KDM4C: variants seen among roughly 807,000 people sequenced by gnomAD.
KDM4C encodes lysine-specific demethylase 4C.
In KDM4C, 81 loss-of-function variants were observed where a neutral mutation model predicts 129.3. The observed-to-expected ratio is 0.63, with a 90% CI of 0.52 to 0.75. KDM4C has a LOEUF of 0.75. Among genes scored for constraint, KDM4C ranks in the 30% least tolerant of loss-of-function variants. The pLI is 0.00. For missense variants in KDM4C, 1,457 were observed against 1,304.0 expected, an observed-to-expected ratio of 1.12 and a Z score of -1.81; for synonymous variants, 573 against 456.1, an observed-to-expected ratio of 1.26 and a Z score of -3.26.
In KDM4C at chr9:6,818,260, C is replaced by T. The variant is rs141133714; in HGVS notation, c.435+3515C>T. Among the ~76,000 whole-genome samples, 556 of 152,240 alleles carry T rather than the reference C, an allele frequency of 3.7e-3. 5 individuals are homozygous for T. The highest frequency in any genetic ancestry group is 0.013 in the African/African-American group (520 of 41,530). ...CATTTCAGTTTCTTTTAGCACAAGC[C>T]ACATCTAGACTACCAATTTCAAATC... On this transcript the variant is annotated intron_variant, in intron 4 of 21. Transcript: ENST00000381309.
intron 12 of KDM4C, among the ~76,000 whole-genome samples, chr9:6,998,308 G>C (rs992269944): frequency 6.6e-6 from 1 of 152,198 alleles, no homozygotes; most frequent in Non-Finnish European, 1.5e-5. Context: ...ACAGACAGAA[G>C]AGGTGGAATT....
At chr9:7,169,935 C>T (rs1265057853) in intron 21 of KDM4C, 45 bp downstream of exon 21, 1 of 1,611,834 alleles carries the variant, frequency 6.2e-7, no homozygotes. Context: ...AAGTGAATTC[C>T]TTGTCCTCAC....
chr9:7,117,626 T>TACACACACACACACACAC (rs71315578), intron 18 of KDM4C, among the ~76,000 whole-genome samples: 9 of 146,916 alleles, frequency 6.1e-5, no homozygotes, highest in Non-Finnish European at 1.0e-4. Context: ...TGTTAATTTC[T>TACACACACACACACACAC]ACACACACAC....
At chr9:7,051,309 A>T (rs1002623671) in intron 17 of KDM4C, among the ~76,000 whole-genome samples, 4 of 152,170 alleles carry the variant, frequency 2.6e-5, no homozygotes, top group African/African-American at 9.6e-5. Context: ...TTTTTCACCA[A>T]GAGTCCTCAG....
chr9:6,824,638 C>CAAA (rs144032826), intron 4 of KDM4C, among the ~76,000 whole-genome samples: 34 of 127,100 alleles, frequency 2.7e-4, no homozygotes, highest in African/African-American at 9.2e-4. Context: ...GACTCCGTCT[C>CAAA]AAAAAAAAAA....
intron 5 of KDM4C, among the ~76,000 whole-genome samples, chr9:6,855,231 C>T (rs917170678): frequency 1.3e-5 from 2 of 152,128 alleles, no homozygotes; most frequent in Admixed American, 1.3e-4. Context: ...GAGGCTGAGG[C>T]GGGCAGATCA....
intron 4 of KDM4C, among the ~76,000 whole-genome samples, chr9:6,816,670 A>G (rs1160576523): frequency 2.0e-5 from 3 of 152,092 alleles, no homozygotes; most frequent in East Asian, 3.8e-4. Context: ...TTTGCCCCAC[A>G]TCCTCCCTAA....
chr9:7,139,507 ATG>A (rs1244672020), intron 19 of KDM4C, among the ~76,000 whole-genome samples: 1 of 152,182 alleles, frequency 6.6e-6, no homozygotes, highest in African/African-American at 2.4e-5. Context: ...TATGGAAAGA[ATG>A]TGGATGTGAG....
intron 8 of KDM4C, among the ~76,000 whole-genome samples, chr9:6,951,564 C>T: frequency 6.6e-6 from 1 of 152,104 alleles, no homozygotes; most frequent in Middle Eastern, 3.2e-3. Context: ...ATGGTGGGGG[C>T]TATTGAGTAT....
intron 5 of KDM4C, among the ~76,000 whole-genome samples, chr9:6,865,260 G>T (rs896119096): frequency 2.0e-5 from 3 of 152,004 alleles, no homozygotes; most frequent in African/African-American, 7.2e-5. Context: ...CGACCGCCTT[G>T]GCCTCCCAAA....
intron 1 of KDM4C, among the ~76,000 whole-genome samples, chr9:6,760,747 T>A (rs900633095): frequency 9.9e-5 from 15 of 151,412 alleles, no homozygotes; most frequent in Admixed American, 6.6e-4. Flanking sequence ...ATTTTTTTTT[T>A]ATTTTTAGTA....
intron 7 of KDM4C, among the ~76,000 whole-genome samples, chr9:6,889,250 T>TGTGTG (rs1554627898): frequency 3.5e-5 from 1 of 28,212 alleles, no homozygotes. Flanking sequence ...TGTGTGTGTG[T>TGTGTG]GGGAGGGTGG....
intron 17 of KDM4C, among the ~76,000 whole-genome samples, chr9:7,079,279 G>A (rs1834263604): frequency 6.6e-6 from 1 of 152,148 alleles, no homozygotes; most frequent in Non-Finnish European, 1.5e-5. Flanking sequence ...TTGAAGTAAA[G>A]AATAGCCCCA....
chr9:6,828,915 C>A (rs372006651), intron 4 of KDM4C, among the ~76,000 whole-genome samples: 1 of 152,180 alleles, frequency 6.6e-6, no homozygotes, highest in African/African-American at 2.4e-5. Context: ...GTAGAATTGG[C>A]CGTTTCTCTT....
intron 8 of KDM4C, among the ~76,000 whole-genome samples, chr9:6,936,124 A>G (rs1824733076): frequency 6.6e-6 from 1 of 152,178 alleles, no homozygotes. Flanking sequence ...GAATATATGG[A>G]GTTTATTCAA....
chr9:7,037,943 C>T (rs2031199), intron 15 of KDM4C, among the ~76,000 whole-genome samples: 5 of 151,940 alleles, frequency 3.3e-5, no homozygotes, highest in South Asian at 2.1e-4. Context: ...CCTGGAAAAG[C>T]CATGCTCATT....
intron 17 of KDM4C, among the ~76,000 whole-genome samples, chr9:7,050,380 G>T (rs553172674): frequency 7.5e-6 from 1 of 132,472 alleles, no homozygotes; most frequent in Non-Finnish European, 1.5e-5. Flanking sequence ...AGTAAGAAGA[G>T]AGTATAATTC....
At position 7,165,221 on chromosome 9, in the gene KDM4C, C is replaced by G; in HGVS notation, c.2782-17C>G. ...TAGGCACTCCTTTTGAAAAGCCTGTCTCTGTTTATTCTGCAGAGCCGAGAC... is the reference window on the plus strand; with the variant it reads ...TAGGCACTCCTTTTGAAAAGCCTGTGTCTGTTTATTCTGCAGAGCCGAGAC... On this transcript the variant is annotated splice_polypyrimidine_tract_variant and intron_variant, in intron 19 of 21. Coordinates refer to ENST00000381309, the MANE Select transcript of KDM4C (RefSeq NM_015061.6). 6.2e-7 allele frequency: 1 copy of G among 1,612,142 alleles called. No homozygotes were observed. The highest frequency in any genetic ancestry group is 2.2e-5 in the East Asian group (1 of 44,870).
intron 1 of KDM4C, among the ~76,000 whole-genome samples, chr9:6,747,269 C>T (rs1055653249): frequency 6.6e-6 from 1 of 151,712 alleles, no homozygotes; most frequent in Non-Finnish European, 1.5e-5. Flanking sequence ...TATAGATGGC[C>T]GGGCACTGTG....
Sources: allele counts gnomAD v4.1 joint callset (sites outside exome capture counted in the v4.1 genomes callset), GRCh38; gene constraint gnomAD v4.1.1; transcripts MANE v1.5; gene names NCBI Gene and HGNC (gene_info 2026-07-23, HGNC 2026-07-21).